The following DPP6 variants were observed in gnomAD, a reference collection of about 807,000 sequenced individuals.
The protein encoded by DPP6 is dipeptidyl peptidase like 6.
In DPP6, 69 loss-of-function variants were observed where a neutral mutation model predicts 122.6. The observed-to-expected ratio is 0.56, with a 90% confidence interval of 0.46 to 0.69. The LOEUF is 0.69. DPP6 is among the 30% of genes least tolerant of loss of function. The pLI is 0.00. For missense variants in DPP6, 928 were observed against 1,116.9 expected (o/e 0.83, Z 2.41); for synonymous variants, 418 against 433.1 (o/e 0.97, Z 0.43).
rs191442129 is a variant in DPP6 at position 154,292,243 on chromosome 7, T to C, written c.244-153971T>C. 2.6e-5 allele frequency among the ~76,000 whole-genome samples: 4 copies of C among 152,160 alleles called. No homozygotes were observed. In the East Asian group the frequency reaches 7.7e-4, roughly 29 times the overall value. ...TAACTGCGATTAGGCAAGGAAAATA[T>C]ATATATACCAGATTTTCTGGTCCCC... On this transcript the variant is annotated intron_variant, in intron 1 of 25. Coordinates refer to ENST00000377770, the MANE Select transcript of DPP6 (RefSeq NM_130797.4).
intron 5 of DPP6, among the ~76,000 whole-genome samples, chr7:154,580,185 A>G (rs2130657968): frequency 6.8e-6 from 1 of 146,566 alleles, no homozygotes; most frequent in South Asian, 2.2e-4. Flanking sequence ...ATGCACACAT[A>G]CTCTCCCTCC....
intron 2 of DPP6, among the ~76,000 whole-genome samples, chr7:154,468,875 A>G (rs1263430937): frequency 6.6e-6 from 1 of 152,226 alleles, no homozygotes; most frequent in Non-Finnish European, 1.5e-5. Context: ...ATAAATTAGT[A>G]TCTCTGTGAG....
At chr7:153,813,502 T>G in the DPP6 span, among the ~76,000 whole-genome samples, 1 of 152,142 alleles carries the variant, frequency 6.6e-6, no homozygotes, top group Non-Finnish European at 1.5e-5. Flanking sequence ...GCATGTGTCT[T>G]TATAGCAGCA....
chr7:154,261,403 G>T (rs1036840653), intron 1 of DPP6, among the ~76,000 whole-genome samples: 1 of 152,142 alleles, frequency 6.6e-6, no homozygotes, highest in African/African-American at 2.4e-5. Context: ...ATGGATCAAG[G>T]ACTTAAGTCT....
rs1282635115 is a variant in DPP6 at position 154,853,843 on chromosome 7, T to C, written c.1714+16T>C. Reference sequence around the variant, plus strand: ...GATAAGAAAAGTAAGTGCTCTTTTTTTTCCTTAAATCTTCCTGAGACTCAG... The same window carrying C: ...GATAAGAAAAGTAAGTGCTCTTTTTCTTCCTTAAATCTTCCTGAGACTCAG... On this transcript the variant is annotated intron_variant, in intron 17 of 25. Transcript: ENST00000377770. 2.5e-6 allele frequency: 4 copies of C among 1,613,334 alleles called. No individual in the cohort carries two copies. In the African/African-American group the frequency reaches 5.3e-5, roughly 22 times the overall value.
At position 154,767,223 on chromosome 7, in the gene DPP6, C is replaced by T. The variant is rs1013291405; in HGVS notation, c.884-2194C>T. ...GGGCTCCTCTGCTGATTTCTGTGGG[C>T]TCTGCACCTTCTCGCTCTGCCCTGT... On this transcript the variant is annotated intron_variant, in intron 8 of 25. Coordinates refer to ENST00000377770, the MANE Select transcript of DPP6 (RefSeq NM_130797.4). 2.0e-5 allele frequency among the ~76,000 whole-genome samples: 3 copies of T among 152,182 alleles called. No individual in the cohort carries two copies. In the East Asian group the frequency reaches 5.8e-4, roughly 29 times the overall value.
At chr7:154,216,865 C>T (rs568713341) in intron 1 of DPP6, among the ~76,000 whole-genome samples, 9 of 138,334 alleles carry the variant, frequency 6.5e-5, no homozygotes, top group African/African-American at 2.2e-4. Context: ...TTATAAACCT[C>T]ATATATATGT....
In DPP6 at chr7:154,755,148, T is replaced by TAAA. The variant is rs71803736; in HGVS notation, c.884-14255_884-14253dup. On this transcript the variant is annotated intron_variant, in intron 8 of 25. Transcript: ENST00000377770. The surrounding 1 kb of genome is among the most constrained non-coding windows in gnomAD (Gnocchi z 4.7). ...TCCCAGAACTTAAAGTAAAATAAAT[T>TAAA]AAAAAAAAAAAAAAAAGAAACTGAA... Among the ~76,000 whole-genome samples, 44,510 of 131,032 alleles carry TAAA rather than the reference T, an allele frequency of 0.34. 7,338 individuals carry two copies. Among genetic ancestry groups the TAAA allele is most frequent in the Non-Finnish European group, 0.38 (23,077 of 60,710 alleles). 86.0% of individuals were successfully genotyped at this position (131,032 alleles called of 152,430 possible). A position where few individuals can be genotyped will look rare whatever the true frequency, so the allele number is the denominator to read the frequency against.
intron 1 of DPP6, among the ~76,000 whole-genome samples, chr7:154,279,574 C>T (rs756981655): frequency 6.6e-6 from 1 of 152,172 alleles, no homozygotes; most frequent in South Asian, 2.1e-4. Flanking sequence ...CTCATGTGAA[C>T]GTGAGCCTTT....
At chr7:154,590,841 T>G (rs1299496064) in intron 5 of DPP6, among the ~76,000 whole-genome samples, 2 of 152,022 alleles carry the variant, frequency 1.3e-5, no homozygotes, top group African/African-American at 4.8e-5. Flanking sequence ...GCCGATACTA[T>G]TTTTTACTCA....
the DPP6 span, among the ~76,000 whole-genome samples, chr7:153,844,640 G>C: frequency 2.6e-5 from 4 of 152,036 alleles, no homozygotes; most frequent in East Asian, 1.9e-4. Context: ...TTAGTTCATG[G>C]GTCATACAAA....
chr7:154,372,159 A>C (rs1049529905), intron 1 of DPP6, among the ~76,000 whole-genome samples: 1 of 151,988 alleles, frequency 6.6e-6, no homozygotes, highest in South Asian at 2.1e-4. Flanking sequence ...GCCTGCTTTC[A>C]TGTTGTCGGA....
At chr7:154,646,036 A>AAAAAAAAAG (rs1170530157) in intron 6 of DPP6, among the ~76,000 whole-genome samples, 1 of 150,280 alleles carries the variant, frequency 6.7e-6, no homozygotes, top group Non-Finnish European at 1.5e-5. Context: ...TCAAAAAAAA[A>AAAAAAAAAG]AAAAAAAAAG....
intron 1 of DPP6, among the ~76,000 whole-genome samples, chr7:154,123,841 G>A (rs531276167): frequency 1.1e-4 from 15 of 142,498 alleles, no homozygotes; most frequent in South Asian, 9.6e-4. Context: ...CTGCCCGCTC[G>A]TGGGGCTTAC....
chr7:154,224,250 A>AGGC (rs1433920007), intron 1 of DPP6, among the ~76,000 whole-genome samples: 1 of 148,972 alleles, frequency 6.7e-6, no homozygotes, highest in Non-Finnish European at 1.5e-5. Flanking sequence ...TTCAACTTGG[A>AGGC]GGCGGACATT....
At chr7:153,772,146 C>T in the DPP6 span, among the ~76,000 whole-genome samples, 1 of 152,112 alleles carries the variant, frequency 6.6e-6, no homozygotes, top group Non-Finnish European at 1.5e-5. Flanking sequence ...TCTAGTGGCA[C>T]GATCTTGGCT....
intron 1 of DPP6, among the ~76,000 whole-genome samples, chr7:153,993,692 T>C (rs559043266): frequency 2.6e-3 from 401 of 152,332 alleles, no homozygotes; most frequent in African/African-American, 9.0e-3. Context: ...TCCAGAGTTA[T>C]ATCACCTCAA....
rs907437972 is a variant in DPP6 at position 154,875,114 on chromosome 7, A to C, written c.1884-792A>C. Among the ~76,000 whole-genome samples the C allele has an allele frequency of 6.6e-6, 1 of 152,190 alleles. No individual in the cohort carries two copies. The highest frequency in any genetic ancestry group is 1.5e-5 in the Non-Finnish European group (1 of 68,040). ...GACCCTGTCTCAAACAAAAGAAAAA[A>C]AAAGAAGAAAAGAAAAGAAAGAGAG... On this transcript the variant is annotated intron_variant, in intron 19 of 25. Coordinates refer to ENST00000377770, the MANE Select transcript of DPP6 (RefSeq NM_130797.4). This position sits in a 1 kb window ranked among gnomAD's most constrained non-coding sequence, Gnocchi z 4.5.
chr7:153,749,697 G>A, the DPP6 span, among the ~76,000 whole-genome samples: 1 of 152,108 alleles, frequency 6.6e-6, no homozygotes, highest in Admixed American at 6.6e-5. This position sits in a 1 kb window ranked among gnomAD's most constrained non-coding sequence, Gnocchi z 4.1. Flanking sequence ...ATCCTGTGGG[G>A]CCCGGCCACC....
Sources: gnomAD v4.1 joint callset for allele counts (sites outside exome capture counted in the v4.1 genomes callset) on GRCh38, gnomAD v4.1.1 for gene constraint, Gnocchi (gnomAD v3.1) non-coding constraint, MANE v1.5 for transcripts, NCBI Gene and HGNC (gene_info 2026-07-23, HGNC 2026-07-21) for gene names.